ZNF804B: variants seen among roughly 807,000 people sequenced by gnomAD.
The protein encoded by ZNF804B is zinc finger protein 804B.
ZNF804B carries 80 observed loss-of-function variants against 101.4 expected under a neutral mutation model. The ratio of observed to expected loss-of-function variants is 0.79; its 90% CI spans 0.66 to 0.95. The LOEUF is 0.95. Among genes scored for constraint, ZNF804B ranks in the 40% least tolerant of loss-of-function variants. The probability of loss-of-function intolerance (pLI) is 0.00; values close to 1 mark genes in which losing one functional copy is unlikely to be tolerated. For missense variants in ZNF804B, 1,673 were observed against 1,561.9 expected, an observed-to-expected ratio of 1.07 and a Z score of -1.20; for synonymous variants, 622 against 558.8, an observed-to-expected ratio of 1.11 and a Z score of -1.59.
chr7:88,988,491 A>G (rs1217136894), intron 1 of ZNF804B, among the ~76,000 whole-genome samples: 1 of 152,150 alleles, frequency 6.6e-6, no homozygotes, highest in Non-Finnish European at 1.5e-5. Context: ...ATACAGCATC[A>G]ACAGGTGTTA....
intron 2 of ZNF804B, among the ~76,000 whole-genome samples, chr7:89,265,246 A>C (rs1480378547): frequency 6.6e-6 from 1 of 151,426 alleles, no homozygotes; most frequent in Non-Finnish European, 1.5e-5. Context: ...CTTAGATTAT[A>C]AAGTTCACAG....
At chr7:88,897,691 G>C (rs1001959556) in intron 1 of ZNF804B, among the ~76,000 whole-genome samples, 1 of 152,062 alleles carries the variant, frequency 6.6e-6, no homozygotes, top group African/African-American at 2.4e-5. Context: ...TCTCTTCTCT[G>C]TTGAGTGGCA....
chr7:88,913,037 A>G (rs1792572974), intron 1 of ZNF804B, among the ~76,000 whole-genome samples: 1 of 152,190 alleles, frequency 6.6e-6, no homozygotes, highest in Non-Finnish European at 1.5e-5. Context: ...TCGAAATGTC[A>G]ACATAGGTAG....
chr7:89,048,965 ACTT>A (rs1387580212), intron 1 of ZNF804B, among the ~76,000 whole-genome samples: 1 of 151,936 alleles, frequency 6.6e-6, no homozygotes, highest in Non-Finnish European at 1.5e-5. Context: ...TCAGGGGTAT[ACTT>A]CTTATAAAAT....
intron 1 of ZNF804B, among the ~76,000 whole-genome samples, chr7:88,962,708 C>CATATATACAT (rs1793403190): frequency 1.2e-5 from 1 of 84,188 alleles, no homozygotes; most frequent in South Asian, 4.8e-4. Flanking sequence ...GTTAAACTCA[C>CATATATACAT]ATATATATAT....
chr7:89,031,921 A>G (rs1788841982), intron 1 of ZNF804B, among the ~76,000 whole-genome samples: 1 of 152,006 alleles, frequency 6.6e-6, no homozygotes, highest in Admixed American at 6.6e-5. Flanking sequence ...TAGCGTAGCT[A>G]GATTTTATTT....
intron 1 of ZNF804B, among the ~76,000 whole-genome samples, chr7:88,862,880 G>A (rs1490170243): frequency 6.6e-6 from 1 of 151,908 alleles, no homozygotes; most frequent in South Asian, 2.1e-4. Flanking sequence ...CCTGTCTCAC[G>A]CTGAGAAACC....
chr7:88,952,222 A>G lies in ZNF804B; in HGVS notation c.108+192138A>G, dbSNP rs1015327662. Among the ~76,000 whole-genome samples the G allele has an allele frequency of 2.0e-5, 3 of 151,814 alleles. No homozygotes were observed. The East Asian group carries it at 5.9e-4, about 30-fold the overall frequency. On this transcript the variant is annotated intron_variant, in intron 1 of 3. Transcript: ENST00000333190. ...ATTTGACTGGGCTTGTGCCATATTC[A>G]CATTGTGAGAATTATTGTCATTAGT... is the stretch of plus-strand genomic sequence containing the variant.
chr7:88,925,412 C>G (rs796466437), intron 1 of ZNF804B, among the ~76,000 whole-genome samples: 3 of 152,204 alleles, frequency 2.0e-5, no homozygotes, highest in African/African-American at 7.2e-5. Flanking sequence ...ACTACATTAA[C>G]ATGAGGCCAT....
intron 2 of ZNF804B, among the ~76,000 whole-genome samples, chr7:89,302,470 T>C (rs1790490760): frequency 6.6e-6 from 1 of 151,816 alleles, no homozygotes; most frequent in Non-Finnish European, 1.5e-5. Flanking sequence ...GGAATGGCCA[T>C]GTTCAGATCT....
At chr7:88,885,021 A>G (rs1374616858) in intron 1 of ZNF804B, among the ~76,000 whole-genome samples, 1 of 151,870 alleles carries the variant, frequency 6.6e-6, no homozygotes, top group African/African-American at 2.4e-5. Context: ...TTACTACACT[A>G]AATCCTGCCA....
At chr7:89,184,442 T>C (rs924171584) in intron 1 of ZNF804B, among the ~76,000 whole-genome samples, 1 of 152,166 alleles carries the variant, frequency 6.6e-6, no homozygotes, top group African/African-American at 2.4e-5. Flanking sequence ...GAAAAAATGG[T>C]TAACAATGTA....
At chr7:88,854,240 C>A (rs1335772503) in intron 1 of ZNF804B, among the ~76,000 whole-genome samples, 3 of 151,992 alleles carry the variant, frequency 2.0e-5, no homozygotes, top group Non-Finnish European at 2.9e-5. Context: ...CACCATTTTA[C>A]CTTCATTTTA....
At chr7:88,976,542 G>A (rs972081679) in intron 1 of ZNF804B, among the ~76,000 whole-genome samples, 1 of 151,298 alleles carries the variant, frequency 6.6e-6, no homozygotes, top group Non-Finnish European at 1.5e-5. Context: ...CAGACTGTTC[G>A]TCGCTGGCAT....
At chr7:89,306,010 A>G (rs911276185) in intron 2 of ZNF804B, among the ~76,000 whole-genome samples, 12 of 152,002 alleles carry the variant, frequency 7.9e-5, no homozygotes, top group African/African-American at 2.7e-4. Context: ...ATTTTGAATT[A>G]GTGTAGTTAA....
At chr7:88,906,763 T>G (rs1395847427) in intron 1 of ZNF804B, among the ~76,000 whole-genome samples, 1 of 152,226 alleles carries the variant, frequency 6.6e-6, no homozygotes, top group East Asian at 1.9e-4. Context: ...GGTCAGGTGT[T>G]GAGTTTAAGT....
intron 1 of ZNF804B, among the ~76,000 whole-genome samples, chr7:89,174,337 G>A (rs939838916): frequency 6.6e-6 from 1 of 152,032 alleles, no homozygotes; most frequent in Non-Finnish European, 1.5e-5. Flanking sequence ...AAATGAGTGA[G>A]AGCATGCAAA....
chr7:89,083,061 TG>T, intron 1 of ZNF804B, among the ~76,000 whole-genome samples: 1 of 151,976 alleles, frequency 6.6e-6, no homozygotes, highest in South Asian at 2.1e-4. Context: ...ATTTTATTTT[TG>T]TAAATGTCCT....
intron 2 of ZNF804B, among the ~76,000 whole-genome samples, chr7:89,290,313 C>A (rs562411591): frequency 6.6e-6 from 1 of 152,122 alleles, no homozygotes; most frequent in African/African-American, 2.4e-5. Flanking sequence ...TGAGAGAGAA[C>A]TTCTGCTTGA....
Sources: allele counts gnomAD v4.1 joint callset (sites outside exome capture counted in the v4.1 genomes callset), GRCh38; gene constraint gnomAD v4.1.1; transcripts MANE v1.5; gene names NCBI Gene and HGNC (gene_info 2026-07-23, HGNC 2026-07-21).